The following COL21A1 variants were observed in gnomAD, a reference collection of about 807,000 sequenced individuals.
COL21A1 encodes the protein collagen alpha-1(XXI) chain.
In COL21A1, 149 loss-of-function variants were observed where a neutral mutation model predicts 137.9. The ratio of observed to expected loss-of-function variants is 1.08; its 90% CI spans 0.95 to 1.24. The LOEUF is 1.24. Ranked by LOEUF, COL21A1 falls within the 50% of genes most tolerant of loss-of-function variation. COL21A1 has a pLI of 0.00. For synonymous variants in COL21A1, 456 were observed against 391.5 expected, an observed-to-expected ratio of 1.16 and a Z score of -1.95; for missense variants, 1,167 against 1,158.4, an observed-to-expected ratio of 1.01 and a Z score of -0.11.
chr6:56,160,881 C>T (rs940711273), intron 9 of COL21A1, among the ~76,000 whole-genome samples: 1 of 152,194 alleles, frequency 6.6e-6, no homozygotes, highest in Non-Finnish European at 1.5e-5. Context: ...CCAAATACGA[C>T]GTTTGTAAGC....
At chr6:56,338,211 G>A (rs1018472334) in intron 1 of COL21A1, among the ~76,000 whole-genome samples, 12 of 151,854 alleles carry the variant, frequency 7.9e-5, no homozygotes, top group Non-Finnish European at 1.6e-4. Context: ...TGATCTGCCC[G>A]CCTGAGCCTC....
At chr6:56,304,367 T>A (rs1165327978) in intron 1 of COL21A1, among the ~76,000 whole-genome samples, 1 of 151,984 alleles carries the variant, frequency 6.6e-6, no homozygotes, top group Admixed American at 6.6e-5. Flanking sequence ...GGTCCTGGAC[T>A]TTTTTTGGTT....
At chr6:56,118,500 C>T (rs980756193) in intron 16 of COL21A1, among the ~76,000 whole-genome samples, 2 of 151,916 alleles carry the variant, frequency 1.3e-5, no homozygotes, top group South Asian at 2.1e-4. Flanking sequence ...TTTGACCCAA[C>T]ATTTAAAGAA....
At chr6:56,372,220 C>T (rs2093990813) in intron 1 of COL21A1, among the ~76,000 whole-genome samples, 1 of 152,178 alleles carries the variant, frequency 6.6e-6, no homozygotes, top group African/African-American at 2.4e-5. Flanking sequence ...TCAAAGCAGA[C>T]ACTTTGACCC....
At chr6:56,092,523 T>G (rs1283966238) in intron 17 of COL21A1, among the ~76,000 whole-genome samples, 1 of 152,048 alleles carries the variant, frequency 6.6e-6, no homozygotes, top group East Asian at 1.9e-4. Context: ...ATAGACAAAT[T>G]AAGTTTTTAA....
At chr6:56,270,879 C>T (rs1763508966) in intron 1 of COL21A1, among the ~76,000 whole-genome samples, 1 of 152,200 alleles carries the variant, frequency 6.6e-6, no homozygotes, top group South Asian at 2.1e-4. Flanking sequence ...TTCCTGAGGC[C>T]TCCACATCCA....
chr6:56,201,488 G>A (rs1779404049), intron 1 of COL21A1, among the ~76,000 whole-genome samples: 1 of 152,096 alleles, frequency 6.6e-6, no homozygotes, highest in Admixed American at 6.6e-5. Context: ...TGCATAAGGT[G>A]TAAGAAAGGG....
intron 17 of COL21A1, among the ~76,000 whole-genome samples, chr6:56,083,723 G>A (rs1364975475): frequency 1.3e-5 from 2 of 151,904 alleles, no homozygotes; most frequent in East Asian, 3.9e-4. Context: ...CTAATACTAA[G>A]TCAATAATAA....
At chr6:56,075,610 A>G (rs1053174489) in intron 18 of COL21A1, 78 bp from the exon 19 acceptor site, 21 of 1,018,224 alleles carry the variant, frequency 2.1e-5, no homozygotes, top group Non-Finnish European at 2.8e-5. Context: ...CCAAAGCACA[A>G]TGGAATGACA....
chr6:56,359,414 C>G (rs1350855459), intron 1 of COL21A1, among the ~76,000 whole-genome samples: 1 of 152,134 alleles, frequency 6.6e-6, no homozygotes. Context: ...TGATTACCCA[C>G]CAGAGGGCAC....
chr6:56,361,707 A>G (rs970348308), intron 1 of COL21A1, among the ~76,000 whole-genome samples: 3 of 152,328 alleles, frequency 2.0e-5, no homozygotes, highest in African/African-American at 7.2e-5. Flanking sequence ...AAAAAAATCA[A>G]AAAGTCAAAG....
intron 1 of COL21A1, among the ~76,000 whole-genome samples, chr6:56,244,563 T>C (rs1190645385): frequency 1.3e-5 from 2 of 152,234 alleles, no homozygotes; most frequent in Non-Finnish European, 2.9e-5. Flanking sequence ...CTAATCATTT[T>C]AATAACATTA....
At chr6:56,189,637 C>G (rs1307752568) in intron 1 of COL21A1, among the ~76,000 whole-genome samples, 3 of 152,002 alleles carry the variant, frequency 2.0e-5, no homozygotes, top group South Asian at 2.1e-4. Flanking sequence ...AGATACTCCT[C>G]GAGAAGAGCA....
intron 1 of COL21A1, among the ~76,000 whole-genome samples, chr6:56,309,913 CTGAT>C (rs1490934932): frequency 6.6e-6 from 1 of 152,126 alleles, no homozygotes; most frequent in Non-Finnish European, 1.5e-5. Flanking sequence ...GATGGATGCA[CTGAT>C]TAATTATAAC....
chr6:56,324,641 G>T (rs2152341984), intron 1 of COL21A1, among the ~76,000 whole-genome samples: 1 of 152,076 alleles, frequency 6.6e-6, no homozygotes, highest in South Asian at 2.1e-4. Context: ...GACAGAACCA[G>T]ATGTTCTACC....
chr6:56,150,525 C>CAT (rs1775227051), intron 10 of COL21A1, among the ~76,000 whole-genome samples: 2 of 146,172 alleles, frequency 1.4e-5, no homozygotes, highest in Admixed American at 1.3e-4. Context: ...CACACACACA[C>CAT]ACACACACAC....
chr6:56,121,352 T>C (rs753530950), intron 16 of COL21A1, among the ~76,000 whole-genome samples: 37 of 151,078 alleles, frequency 2.4e-4, no homozygotes, highest in Non-Finnish European at 5.0e-4. Flanking sequence ...CTGGAGAGAG[T>C]AAAAAGATCA....
At chr6:56,326,600 A>G (rs1187510294) in intron 1 of COL21A1, among the ~76,000 whole-genome samples, 1 of 152,000 alleles carries the variant, frequency 6.6e-6, no homozygotes, top group East Asian at 1.9e-4. Flanking sequence ...TGACAAATCA[A>G]AATAACAGTC....
At chr6:56,170,366 A>G (rs1211535266) in intron 5 of COL21A1, among the ~76,000 whole-genome samples, 1 of 151,772 alleles carries the variant, frequency 6.6e-6, no homozygotes, top group Non-Finnish European at 1.5e-5. Context: ...GCAAAATGGG[A>G]GCAATGGTTT....
Sources: gnomAD v4.1 joint callset for allele counts (sites outside exome capture counted in the v4.1 genomes callset) on GRCh38, gnomAD v4.1.1 for gene constraint, MANE v1.5 for transcripts, NCBI Gene and HGNC (gene_info 2026-07-23, HGNC 2026-07-21) for gene names.